TANC2: variants seen among roughly 807,000 people sequenced by gnomAD.
The protein encoded by TANC2 is protein TANC2.
TANC2 carries 26 observed loss-of-function variants against 210.5 expected under a neutral mutation model. The observed-to-expected ratio is 0.12, with a 90% CI of 0.09 to 0.17. The LOEUF (loss-of-function observed/expected upper bound fraction) is 0.17. Among genes scored for constraint, TANC2 ranks in the 10% least tolerant of loss-of-function variants. TANC2 has a pLI of 1.00. For missense variants in TANC2, 2,129 were observed against 2,608.9 expected, an observed-to-expected ratio of 0.82 and a Z score of 4.01; for synonymous variants, 931 against 967.1, an observed-to-expected ratio of 0.96 and a Z score of 0.69.
chr17:63,380,159 C>G (rs151125046), intron 15 of TANC2, among the ~76,000 whole-genome samples: 39 of 152,264 alleles, frequency 2.6e-4, no homozygotes, highest in African/African-American at 8.7e-4. Context: ...TTCATGATGT[C>G]TAAAAAATCA....
intron 17 of TANC2, among the ~76,000 whole-genome samples, chr17:63,394,060 C>T (rs1020395165): frequency 6.6e-6 from 1 of 152,186 alleles, no homozygotes; most frequent in African/African-American, 2.4e-5. Context: ...GCATGAGCCA[C>T]CATGCCCAGC....
intron 2 of TANC2, among the ~76,000 whole-genome samples, chr17:63,055,844 C>CT (rs1030722566): frequency 1.3e-5 from 2 of 149,132 alleles, no homozygotes; most frequent in African/African-American, 4.9e-5. Flanking sequence ...ACCACAACCA[C>CT]TTTTAAAGAG....
At chr17:63,169,411 A>G (rs1199716313) in intron 5 of TANC2, among the ~76,000 whole-genome samples, 2 of 152,296 alleles carry the variant, frequency 1.3e-5, no homozygotes, top group East Asian at 3.9e-4. Context: ...TCCCTGGTTA[A>G]CAGATGCTTC....
intron 7 of TANC2, among the ~76,000 whole-genome samples, chr17:63,236,475 C>G (rs186607137): frequency 6.6e-6 from 1 of 152,172 alleles, no homozygotes; most frequent in African/African-American, 2.4e-5. Context: ...AGATTAATCT[C>G]TACTTTAGAT....
chr17:63,152,222 T>C (rs750439033), intron 5 of TANC2: 1 of 152,152 alleles, frequency 6.6e-6, no homozygotes, highest in Non-Finnish European at 1.5e-5. Context: ...CCACAGTGAA[T>C]ACAACTACTA....
intron 7 of TANC2, among the ~76,000 whole-genome samples, chr17:63,229,968 G>C (rs761789816): frequency 1.3e-5 from 2 of 151,654 alleles, no homozygotes; most frequent in Non-Finnish European, 2.9e-5. Context: ...TAATTTTTTT[G>C]TATTTTTAGC....
At chr17:63,318,826 T>C (rs934796381) in intron 10 of TANC2, 131 bp from the exon 11 acceptor site, 20 of 1,058,048 alleles carry the variant, frequency 1.9e-5, no homozygotes, top group Non-Finnish European at 2.2e-5. Context: ...TGGGTGGACA[T>C]GTGTTTTTAT....
intron 4 of TANC2, among the ~76,000 whole-genome samples, chr17:63,131,266 C>T (rs1478162466): frequency 6.6e-6 from 1 of 152,152 alleles, no homozygotes; most frequent in Admixed American, 6.5e-5. Context: ...AATGTAATTA[C>T]TGTTACATCA....
At chr17:63,388,650 G>A (rs1298570048) in exon 16 of TANC2, 1 of 1,606,016 alleles carries the variant, frequency 6.2e-7, no homozygotes, top group Admixed American at 1.7e-5. Flanking sequence ...GAGTAAAAAA[G>A]TTGGTGTATC....
At chr17:63,119,673 C>T (rs1432916731) in intron 4 of TANC2, among the ~76,000 whole-genome samples, 1 of 151,948 alleles carries the variant, frequency 6.6e-6, no homozygotes, top group Admixed American at 6.6e-5. Flanking sequence ...TGTATAGAAA[C>T]AAAGGATTTT....
chr17:63,394,047 C>T (rs954497830), intron 17 of TANC2, among the ~76,000 whole-genome samples: 1 of 152,156 alleles, frequency 6.6e-6, no homozygotes, highest in African/African-American at 2.4e-5. Flanking sequence ...GCTGGGATTA[C>T]AGGCATGAGC....
intron 9 of TANC2, among the ~76,000 whole-genome samples, chr17:63,290,035 G>A (rs1168505283): frequency 1.3e-5 from 2 of 152,188 alleles, no homozygotes; most frequent in Non-Finnish European, 2.9e-5. Flanking sequence ...GTTAGGCACT[G>A]ATAATACTCC....
Position 63,297,582 on chromosome 17 carries a change from T to C in TANC2, c.1160-16806T>C, listed in dbSNP as rs543263210. ...ATGAATCAACAACCTAACCTACAGA[T>C]AAGAGCTCCAACTGTAAGACTCTTA... On this transcript the variant is annotated intron_variant, in intron 9 of 27. Coordinates refer to ENST00000689528, the Ensembl canonical transcript of TANC2. Among the ~76,000 whole-genome samples the C allele has an allele frequency of 6.0e-4, 91 of 152,078 alleles. 1 individual carries two copies. The highest frequency in any genetic ancestry group is 1.1e-3 in the Non-Finnish European group (73 of 67,966).
intron 8 of TANC2, among the ~76,000 whole-genome samples, chr17:63,262,177 T>C (rs1248701108): frequency 6.6e-6 from 1 of 152,176 alleles, no homozygotes; most frequent in East Asian, 1.9e-4. Context: ...TAGCTAGTTA[T>C]GAAACTGAGA....
intron 1 of TANC2, among the ~76,000 whole-genome samples, chr17:62,970,383 C>T (rs1034662685): frequency 1.1e-4 from 16 of 152,302 alleles, no homozygotes; most frequent in African/African-American, 3.8e-4. Context: ...ACTTGTAAAA[C>T]TTAATTTGGT....
intron 19 of TANC2, 24 bp from the exon 20 acceptor site, chr17:63,405,098 T>G (rs1288875559): frequency 6.3e-7 from 1 of 1,593,158 alleles, no homozygotes; most frequent in East Asian, 2.3e-5. Flanking sequence ...CCACCTATCC[T>G]CAATCTTTGT....
In TANC2 at chr17:63,202,572, G is replaced by A. The variant is rs187937132; in HGVS notation, c.769+1615G>A. Among the ~76,000 whole-genome samples, 4 of 152,242 alleles carry A rather than the reference G, an allele frequency of 2.6e-5. No individual in the cohort carries two copies. The East Asian group carries it at 7.7e-4, about 29-fold the overall frequency. ...AAGTATTTAGGAGCAGAGCATAAATGGGGAATGAATGTGTTCCATCATCTA... is the reference window on the plus strand; with the variant it reads ...AAGTATTTAGGAGCAGAGCATAAATAGGGAATGAATGTGTTCCATCATCTA... On this transcript the variant is annotated intron_variant, in intron 7 of 27. Coordinates refer to ENST00000689528, the Ensembl canonical transcript of TANC2.
chr17:63,013,761 TTAAAA>T (rs1235389834), intron 2 of TANC2, among the ~76,000 whole-genome samples: 8 of 85,810 alleles, frequency 9.3e-5, no homozygotes, highest in African/African-American at 3.2e-4. Flanking sequence ...GACCCTGTCT[TTAAAA>T]AAAAAAAAAA....
intron 12 of TANC2, among the ~76,000 whole-genome samples, chr17:63,348,644 A>G (rs2046493238): frequency 6.6e-6 from 1 of 152,194 alleles, no homozygotes; most frequent in African/African-American, 2.4e-5. Flanking sequence ...TCTATGAAAT[A>G]TGGTGATCGT....
Sources: allele counts gnomAD v4.1 joint callset (sites outside exome capture counted in the v4.1 genomes callset), GRCh38; gene constraint gnomAD v4.1.1; transcripts MANE v1.5; gene names NCBI Gene and HGNC (gene_info 2026-07-23, HGNC 2026-07-21).